BRINP3: variants seen among roughly 807,000 people sequenced by gnomAD.
The protein encoded by BRINP3 is BMP/retinoic acid-inducible neural-specific protein 3.
In BRINP3, 19 loss-of-function variants were observed where a neutral mutation model predicts 71.0. The observed-to-expected ratio is 0.27, with a 90% CI of 0.19 to 0.39. The LOEUF (loss-of-function observed/expected upper bound fraction) is 0.39, where lower values mean the gene tolerates loss of function less well. Among genes scored for constraint, BRINP3 ranks in the 10% least tolerant of loss-of-function variants. The pLI is 1.00. For synonymous variants in BRINP3, 380 were observed against 337.7 expected, an observed-to-expected ratio of 1.13 and a Z score of -1.37; for missense variants, 959 against 940.8, an observed-to-expected ratio of 1.02 and a Z score of -0.25.
At chr1:190,373,314 C>T (rs1000582383) in intron 2 of BRINP3, among the ~76,000 whole-genome samples, 35 of 151,764 alleles carry the variant, frequency 2.3e-4, no homozygotes, top group African/African-American at 8.5e-4. Flanking sequence ...CTCTTGAACC[C>T]AGGAGGCGAA....
intron 2 of BRINP3, among the ~76,000 whole-genome samples, chr1:190,387,915 T>G (rs967550647): frequency 6.6e-6 from 1 of 151,952 alleles, no homozygotes; most frequent in South Asian, 2.1e-4. Context: ...TCTAATAAAT[T>G]TTAAAATTAA....
At chr1:190,329,220 A>C (rs1666802940) in intron 2 of BRINP3, among the ~76,000 whole-genome samples, 1 of 152,086 alleles carries the variant, frequency 6.6e-6, no homozygotes, top group South Asian at 2.1e-4. Flanking sequence ...AAATAGGAAA[A>C]GAAGTCAAAC....
At chr1:190,166,708 C>T (rs189934973) in intron 6 of BRINP3, among the ~76,000 whole-genome samples, 146 of 152,000 alleles carry the variant, frequency 9.6e-4, no homozygotes, top group African/African-American at 2.6e-3. Context: ...CAGTGTTGAC[C>T]TCACTAAATA....
At chr1:190,399,450 C>T (rs1238513021) in intron 2 of BRINP3, among the ~76,000 whole-genome samples, 2 of 151,822 alleles carry the variant, frequency 1.3e-5, no homozygotes, top group Non-Finnish European at 2.9e-5. Context: ...AGTGACACTT[C>T]GCGAGCATGA....
intron 2 of BRINP3, among the ~76,000 whole-genome samples, chr1:190,372,041 C>A (rs1336870332): frequency 6.6e-6 from 1 of 152,130 alleles, no homozygotes; most frequent in Non-Finnish European, 1.5e-5. Flanking sequence ...TGAATACGAG[C>A]ATTTTAGAGT....
chr1:190,369,221 C>T lies in BRINP3; in HGVS notation c.236+85434G>A, dbSNP rs539456064. On this transcript the variant is annotated intron_variant, in intron 2 of 7. Transcript: ENST00000367462. ...AAATATCTTTTGTTGTTATTATAAT[C>T]GGGACTCCAACATCATATTTCAGTG... Among the ~76,000 whole-genome samples, 11 of 152,044 alleles carry T rather than the reference C, an allele frequency of 7.2e-5. No individual in the cohort carries two copies. The East Asian group carries it at 7.7e-4, about 11-fold the overall frequency.
At chr1:190,149,850 C>T (rs1656230119) in intron 7 of BRINP3, among the ~76,000 whole-genome samples, 1 of 152,116 alleles carries the variant, frequency 6.6e-6, no homozygotes, top group African/African-American at 2.4e-5. Context: ...GAGCTTAATA[C>T]AACCACCACA....
At chr1:190,132,481 T>A (rs183857645) in intron 7 of BRINP3, among the ~76,000 whole-genome samples, 1 of 152,230 alleles carries the variant, frequency 6.6e-6, no homozygotes, top group Admixed American at 6.6e-5. Flanking sequence ...AAGCTGTTTG[T>A]ATCATATTTT....
At chr1:190,209,952 G>A (rs1159910758) in intron 6 of BRINP3, among the ~76,000 whole-genome samples, 1 of 152,052 alleles carries the variant, frequency 6.6e-6, no homozygotes, top group African/African-American at 2.4e-5. Flanking sequence ...TGTGTACTTG[G>A]TACTTTAACT....
chr1:190,248,322 A>G (rs951951806), intron 4 of BRINP3, among the ~76,000 whole-genome samples: 1 of 151,624 alleles, frequency 6.6e-6, no homozygotes, highest in East Asian at 1.9e-4. Flanking sequence ...ATTATAATTT[A>G]ATCTAATTGC....
intron 1 of BRINP3, chr1:190,474,745 G>C (rs1677385786): frequency 6.6e-6 from 1 of 152,094 alleles, no homozygotes; most frequent in Non-Finnish European, 1.5e-5. Context: ...TCTCGACCTG[G>C]TGCAAAGTAA....
intron 3 of BRINP3, among the ~76,000 whole-genome samples, chr1:190,267,856 A>C (rs1571575607): frequency 6.6e-6 from 1 of 152,128 alleles, no homozygotes. Context: ...ATACCCAAAT[A>C]GTTCACAGTG....
intron 2 of BRINP3, among the ~76,000 whole-genome samples, chr1:190,387,621 G>A (rs1465403505): frequency 6.6e-6 from 1 of 151,840 alleles, no homozygotes; most frequent in African/African-American, 2.4e-5. Context: ...TGGGTTCCAG[G>A]ACAACATGTT....
chr1:190,437,928 T>G (rs1223577892), intron 2 of BRINP3, among the ~76,000 whole-genome samples: 1 of 151,770 alleles, frequency 6.6e-6, no homozygotes, highest in East Asian at 1.9e-4. Flanking sequence ...TTTTTCCTTA[T>G]AATTTATATA....
chr1:190,343,600 T>G (rs1159026582), intron 2 of BRINP3, among the ~76,000 whole-genome samples: 1 of 151,874 alleles, frequency 6.6e-6, no homozygotes, highest in Middle Eastern at 3.4e-3. Flanking sequence ...TTACTTTTAT[T>G]ATTATCATTA....
chr1:190,452,746 A>G (rs1270568009), intron 2 of BRINP3, among the ~76,000 whole-genome samples: 10 of 152,110 alleles, frequency 6.6e-5, no homozygotes, highest in Non-Finnish European at 1.5e-4. Flanking sequence ...AATCTAAGCT[A>G]CTTGGGAGCC....
At chr1:190,252,811 T>C (rs1039784747) in intron 4 of BRINP3, among the ~76,000 whole-genome samples, 2 of 152,008 alleles carry the variant, frequency 1.3e-5, no homozygotes, top group African/African-American at 4.8e-5. Flanking sequence ...CTTTAACTTC[T>C]AGGGTACATG....
At chr1:190,144,310 G>A (rs1571829313) in intron 7 of BRINP3, among the ~76,000 whole-genome samples, 2 of 151,916 alleles carry the variant, frequency 1.3e-5, no homozygotes, top group East Asian at 3.9e-4. Flanking sequence ...ATTCTAACCT[G>A]CCCTAAAACA....
rs186143675 is a variant in BRINP3 at position 190,298,553 on chromosome 1, T to A, written c.237-16803A>T. ...CATTTTTACTCATTTCTGGGTTTTTTAAAAAATTGGTCTTGGGACTTTGTC... is the reference window on the plus strand; with the variant it reads ...CATTTTTACTCATTTCTGGGTTTTTAAAAAAATTGGTCTTGGGACTTTGTC... On this transcript the variant is annotated intron_variant, in intron 2 of 7. Transcript: ENST00000367462. 3.0e-3 allele frequency among the ~76,000 whole-genome samples: 454 copies of A among 152,244 alleles called. 4 individuals carry two copies. The highest frequency in any genetic ancestry group is 0.01 in the African/African-American group (430 of 41,544).
Sources: allele counts gnomAD v4.1 joint callset (sites outside exome capture counted in the v4.1 genomes callset), GRCh38; gene constraint gnomAD v4.1.1; transcripts MANE v1.5; gene names NCBI Gene and HGNC (gene_info 2026-07-23, HGNC 2026-07-21).